The following LOC400499 variants were observed in gnomAD, a reference collection of about 807,000 sequenced individuals.
At chr16:11,496,394 C>T in the LOC400499 span, among the ~76,000 whole-genome samples, 327 of 152,260 alleles carry the variant, frequency 2.1e-3, 1 homozygote, top group South Asian at 0.011. Flanking sequence ...TCTCTGGATT[C>T]GTGACTCTTC....
chr16:11,423,131 G>T, the LOC400499 span: 1 of 399,106 alleles, frequency 2.5e-6, no homozygotes, highest in Non-Finnish European at 4.4e-6. Flanking sequence ...CCGCTGGAGG[G>T]GCCCACTATG....
the LOC400499 span, among the ~76,000 whole-genome samples, chr16:11,375,208 C>G: frequency 7.0e-6 from 1 of 143,444 alleles, no homozygotes; most frequent in African/African-American, 2.7e-5. Context: ...TTTTATACTC[C>G]CCGTAAGAAT....
chr16:11,457,041 T>G, the LOC400499 span: 2 of 1,516,512 alleles, frequency 1.3e-6, no homozygotes, highest in South Asian at 2.5e-5. Context: ...CAGCACAAAC[T>G]GGAGAATGCC....
the LOC400499 span, chr16:11,514,472 C>CA: frequency 2.5e-6 from 1 of 399,300 alleles, no homozygotes; most frequent in Non-Finnish European, 4.4e-6. Flanking sequence ...CAGCTCTGTG[C>CA]AGGAGGCCTC....
the LOC400499 span, among the ~76,000 whole-genome samples, chr16:11,461,834 G>A: frequency 4.0e-4 from 61 of 152,174 alleles, 2 homozygotes; most frequent in East Asian, 0.011. Context: ...TGCTCACTCT[G>A]TGTGTGTTTT....
chr16:11,513,495 G>T, the LOC400499 span, among the ~76,000 whole-genome samples: 1 of 152,060 alleles, frequency 6.6e-6, no homozygotes, highest in African/African-American at 2.4e-5. Flanking sequence ...GCAGTGGCAT[G>T]ATCTTGGCTC....
chr16:11,446,571 C>G, the LOC400499 span: 11 of 1,536,094 alleles, frequency 7.2e-6, no homozygotes, highest in Non-Finnish European at 9.6e-6. Flanking sequence ...TCCAAGTAAC[C>G]AGGCACCCCT....
the LOC400499 span, among the ~76,000 whole-genome samples, chr16:11,408,036 G>A: frequency 7.8e-6 from 1 of 127,440 alleles, no homozygotes; most frequent in Non-Finnish European, 1.6e-5. Context: ...CTGCTGAAGT[G>A]CAGTGGCACG....
chr16:11,449,247 A>G, the LOC400499 span: 1 of 724,584 alleles, frequency 1.4e-6, no homozygotes, highest in East Asian at 3.0e-5. Flanking sequence ...CTGACGCCTA[A>G]CCTGACTGGT....
the LOC400499 span, among the ~76,000 whole-genome samples, chr16:11,488,516 C>G: frequency 6.6e-6 from 1 of 152,126 alleles, no homozygotes; most frequent in Admixed American, 6.5e-5. Flanking sequence ...ACCTCCTGGG[C>G]TCAAGCAATC....
the LOC400499 span, chr16:11,392,717 T>C: frequency 1.1e-6 from 1 of 948,010 alleles, no homozygotes; most frequent in Non-Finnish European, 1.3e-6. Flanking sequence ...AGGGATGCCA[T>C]AAGGCTTCAG....
chr16:11,399,367 G>A, the LOC400499 span: 50 of 769,516 alleles, frequency 6.5e-5, no homozygotes, highest in African/African-American at 7.2e-5. Flanking sequence ...CCAGGATCCC[G>A]CAAGCACTGG....
At chr16:11,425,110 G>A in the LOC400499 span, 8 of 398,830 alleles carry the variant, frequency 2.0e-5, no homozygotes, top group African/African-American at 1.6e-4. Context: ...GTTCTGCCTG[G>A]ACCACTCGTC....
At chr16:11,472,787 A>G in the LOC400499 span, 50,757 of 152,050 alleles carry the variant, frequency 0.33, 9,211 homozygotes, top group African/African-American at 0.44. Flanking sequence ...GAGCAGCACC[A>G]GGCCTACAGT....
chr16:11,450,700 T>C, the LOC400499 span: 1 of 1,536,166 alleles, frequency 6.5e-7, no homozygotes, highest in Non-Finnish European at 8.7e-7. Flanking sequence ...CACCAGGTCC[T>C]TTAGGGTCCA....
At chr16:11,465,823 G>C in the LOC400499 span, among the ~76,000 whole-genome samples, 6,651 of 143,652 alleles carry the variant, frequency 0.046, 206 homozygotes, top group Non-Finnish European at 0.071. Flanking sequence ...GAAGACATGG[G>C]GGAAAGTGGG....
chr16:11,373,523 G>A, the LOC400499 span, among the ~76,000 whole-genome samples: 21 of 151,098 alleles, frequency 1.4e-4, no homozygotes, highest in African/African-American at 1.9e-4. Context: ...TAGTAGAGAC[G>A]GGGTTGGGCC....
At chr16:11,440,958 T>C in the LOC400499 span, 4 of 398,968 alleles carry the variant, frequency 1.0e-5, no homozygotes, top group African/African-American at 2.1e-5. Context: ...ATGGGCCAAG[T>C]CCAGGGCCAG....
chr16:11,385,549 C>A, the LOC400499 span: 2 of 532,346 alleles, frequency 3.8e-6, no homozygotes, highest in Non-Finnish European at 5.7e-6. Context: ...GATTCCCCCT[C>A]CCCTGGCGCA....
Sources: gnomAD v4.1 joint callset for allele counts (sites outside exome capture counted in the v4.1 genomes callset) on GRCh38, gnomAD v4.1.1 for gene constraint, MANE v1.5 for transcripts.